Variants in RYR3 observed in about 807,000 individuals in gnomAD.
The protein encoded by RYR3 is brain ryanodine receptor-calcium release channel.
A neutral mutation model predicts 584.3 loss-of-function variants in RYR3; 207 were observed. The observed-to-expected ratio is 0.35, with a 90% CI of 0.32 to 0.40. The LOEUF is 0.40. Ranked by LOEUF, RYR3 falls within the 10% of genes least tolerant of loss-of-function variation. The pLI, the probability that RYR3 is intolerant of heterozygous loss-of-function variation, is 1.00. For synonymous variants in RYR3, 2,416 were observed against 2,248.5 expected, an observed-to-expected ratio of 1.07 and a Z score of -2.11; for missense variants, 5,616 against 6,089.2, an observed-to-expected ratio of 0.92 and a Z score of 2.59.
chr15:33,775,047 CA>C (rs1412719604), intron 64 of RYR3, among the ~76,000 whole-genome samples: 1 of 150,678 alleles, frequency 6.6e-6, no homozygotes, highest in Admixed American at 6.6e-5. Flanking sequence ...AAAAAAAAGT[CA>C]AAAAGTCAAC....
chr15:33,505,282 CCAA>C (rs1440165860), intron 3 of RYR3, among the ~76,000 whole-genome samples: 1 of 152,296 alleles, frequency 6.6e-6, no homozygotes, highest in East Asian at 1.9e-4. Context: ...CCCCTTAATA[CCAA>C]ATATTTGTGT....
Position 33,464,463 on chromosome 15 carries a change from G to GATAT in RYR3, c.52-8932_52-8929dup, listed in dbSNP as rs569756898. Among the ~76,000 whole-genome samples the GATAT allele has an allele frequency of 5.1e-3, 407 of 79,208 alleles. 16 individuals carry two copies. The highest frequency in any genetic ancestry group is 0.03 in the East Asian group (63 of 2,086). 52.0% of individuals were successfully genotyped at this position (79,208 alleles called of 152,430 possible). A position where few individuals can be genotyped will look rare whatever the true frequency, so the allele number is the denominator to read the frequency against. ...AGAAGAGAGACTGTAGGGAGGTGGA[G>GATAT]ATATATATATATATATATATATATA... On this transcript the variant is annotated intron_variant, in intron 1 of 103. Coordinates refer to ENST00000634891, the MANE Select transcript of RYR3 (RefSeq NM_001036.6).
At chr15:33,732,249 A>T (rs2069022667) in intron 48 of RYR3, among the ~76,000 whole-genome samples, 1 of 151,530 alleles carries the variant, frequency 6.6e-6, no homozygotes, top group African/African-American at 2.4e-5. Flanking sequence ...ATAGCCGGGT[A>T]TGGTGGCAGA....
intron 39 of RYR3, among the ~76,000 whole-genome samples, chr15:33,697,295 G>A (rs1041325488): frequency 6.6e-6 from 1 of 152,284 alleles, no homozygotes; most frequent in East Asian, 1.9e-4. Context: ...ACTTTTATGG[G>A]AAGACAATAC....
intron 1 of RYR3, among the ~76,000 whole-genome samples, chr15:33,333,039 T>G (rs1483465468): frequency 2.8e-5 from 3 of 107,854 alleles, no homozygotes; most frequent in African/African-American, 1.1e-4. Context: ...TTTTTGAAAC[T>G]GAGGCAATAA....
chr15:33,479,948 A>G (rs953155057), intron 2 of RYR3, among the ~76,000 whole-genome samples: 2 of 152,208 alleles, frequency 1.3e-5, no homozygotes, highest in African/African-American at 2.4e-5. Flanking sequence ...TGTACAGCTA[A>G]TATTTTACAA....
intron 16 of RYR3, among the ~76,000 whole-genome samples, chr15:33,592,510 A>T (rs942664873): frequency 1.3e-5 from 2 of 152,182 alleles, no homozygotes; most frequent in African/African-American, 4.8e-5. Flanking sequence ...GAAGGTAAGG[A>T]TGGTGGGGCC....
intron 1 of RYR3, among the ~76,000 whole-genome samples, chr15:33,462,188 G>A (rs1596249036): frequency 1.3e-5 from 2 of 152,186 alleles, no homozygotes; most frequent in Middle Eastern, 6.8e-3. Flanking sequence ...ACTTTATAGA[G>A]CATCTTTTTT....
At chr15:33,788,143 C>T in intron 66 of RYR3, 75 bp from the exon 67 acceptor site, 14 of 1,586,446 alleles carry the variant, frequency 8.8e-6, no homozygotes, top group African/African-American at 1.3e-5. Context: ...CACGGCCTCA[C>T]CTTTCAGTCA....
intron 1 of RYR3, among the ~76,000 whole-genome samples, chr15:33,375,057 G>C (rs1354542050): frequency 6.6e-6 from 1 of 152,224 alleles, no homozygotes; most frequent in Non-Finnish European, 1.5e-5. Context: ...CTAGTGGAGA[G>C]TATCCAGCCT....
intron 60 of RYR3, among the ~76,000 whole-genome samples, chr15:33,767,318 G>A (rs1596496702): frequency 6.7e-6 from 1 of 150,198 alleles, no homozygotes. Flanking sequence ...ACCCGTCTCT[G>A]AAAAAAAAAC....
At chr15:33,488,735 C>G (rs907385590) in intron 2 of RYR3, among the ~76,000 whole-genome samples, 6 of 152,072 alleles carry the variant, frequency 3.9e-5, no homozygotes, top group Admixed American at 2.6e-4. Flanking sequence ...GCCTATAGTT[C>G]CAGCTATTCG....
intron 32 of RYR3, among the ~76,000 whole-genome samples, chr15:33,657,988 A>C (rs943180043): frequency 6.6e-6 from 1 of 152,236 alleles, no homozygotes; most frequent in Non-Finnish European, 1.5e-5. Context: ...ATTTAAAGAA[A>C]ACCTGTGACA....
Position 33,772,147 on chromosome 15 carries a change from T to C in RYR3, c.9044T>C (p.Met3015Thr). 6.2e-7 allele frequency: 1 copy of C among 1,608,814 alleles called. No individual in the cohort carries two copies. Among genetic ancestry groups the C allele is most frequent in the Non-Finnish European group, 8.5e-7 (1 of 1,175,676 alleles). ...CACGTCACTCAGCATCAGTTTGGAA[T>C]GGATCTACTCTGTGAGTTCTACTGG... Reference protein sequence around the residue: ...FEHVTQHQFGMDLLLGDVQIS... With the variant: ...FEHVTQHQFGTDLLLGDVQIS... The change falls in exon 63 of 104, where the codon ATG becomes ACG. Residue 3015 changes from methionine to threonine, a missense_variant. Around this residue, in one of 9 missense-constraint regions of RYR3, gnomAD observed 954 missense variants for 1,132.2 expected, o/e 0.84. Coordinates refer to ENST00000634891, the MANE Select transcript of RYR3 (RefSeq NM_001036.6).
intron 1 of RYR3, among the ~76,000 whole-genome samples, chr15:33,339,690 C>A (rs1442359959): frequency 6.6e-6 from 1 of 152,080 alleles, no homozygotes; most frequent in Non-Finnish European, 1.5e-5. Context: ...GAGATCCAGA[C>A]CATCCTGGCT....
intron 37 of RYR3, among the ~76,000 whole-genome samples, chr15:33,669,857 G>GTT (rs55726756): frequency 1.7e-5 from 1 of 60,220 alleles, no homozygotes. Context: ...GGGGGGGGGG[G>GTT]GTGTGGGTGT....
At chr15:33,648,972 G>T (rs184722178) in intron 30 of RYR3, 100 bp from the exon 31 acceptor site, 1 of 1,185,014 alleles carries the variant, frequency 8.4e-7, no homozygotes, top group East Asian at 2.4e-5. Flanking sequence ...AAAAAGGGGG[G>T]GCCAAGTGAG....
rs188480049 is a variant in RYR3 at position 33,494,309 on chromosome 15, G to T, written c.172-9322G>T. On this transcript the variant is annotated intron_variant, in intron 2 of 103. Coordinates refer to ENST00000634891, the MANE Select transcript of RYR3 (RefSeq NM_001036.6). The stretch of plus-strand genomic sequence containing the variant: ...TTTATTCTATTCAATAAATAAATTT[G>T]ATAACCTTCTCCAATTTCCTTGCAC... Among the ~76,000 whole-genome samples, 43 of 152,226 alleles carry T rather than the reference G, an allele frequency of 2.8e-4. No homozygotes were observed. In the East Asian group the frequency reaches 7.1e-3, roughly 25 times the overall value.
Position 33,755,074 on chromosome 15 carries a change from G to T in RYR3, c.8409G>T (p.Lys2803Asn). Reference protein sequence around the residue: ...VNGIIVSRGMKDMELDASSME... With the variant: ...VNGIIVSRGMNDMELDASSME... ...TCCATGTCCAACGTAGGGGTATGAA[G>T]GATATGGAGCTGGATGCCTCCTCCA... Residue 2803 changes from lysine to asparagine, a missense_variant, in exon 58 of 104, where the codon AAG becomes AAT. Lys to Asn is a moderately conservative substitution (Grantham distance 94). Around this residue, in one of 9 missense-constraint regions of RYR3, gnomAD observed 1,280 missense variants for 1,426.2 expected, o/e 0.90. Transcript: ENST00000634891. 6.2e-7 allele frequency: 1 copy of T among 1,607,462 alleles called. No individual in the cohort carries two copies.
Sources: allele counts gnomAD v4.1 joint callset (sites outside exome capture counted in the v4.1 genomes callset), GRCh38; gene constraint gnomAD v4.1.1; regional missense constraint gnomAD v4.1.1; transcripts MANE v1.5; gene names NCBI Gene and HGNC (gene_info 2026-07-23, HGNC 2026-07-21).